Variants in ECT2 observed in about 807,000 individuals in gnomAD.
ECT2 encodes the protein epithelial cell transforming 2.
In ECT2, 61 loss-of-function variants were observed where a neutral mutation model predicts 116.9. The ratio of observed to expected loss-of-function variants is 0.52; its 90% CI spans 0.42 to 0.65. The LOEUF (loss-of-function observed/expected upper bound fraction) is 0.65. Among genes scored for constraint, ECT2 ranks in the 30% least tolerant of loss-of-function variants. The pLI, the probability that ECT2 is intolerant of heterozygous loss-of-function variation, is 0.00. For synonymous variants in ECT2, 358 were observed against 346.4 expected, an observed-to-expected ratio of 1.03 and a Z score of -0.37; for missense variants, 937 against 1,078.7, an observed-to-expected ratio of 0.87 and a Z score of 1.84.
At chr3:172,780,874 G>T (rs572817699) in intron 14 of ECT2, among the ~76,000 whole-genome samples, 2 of 145,624 alleles carry the variant, frequency 1.4e-5, no homozygotes, top group South Asian at 4.1e-4. Flanking sequence ...ACTGTCTGTT[G>T]CCTGTTTTTT....
At chr3:172,815,080 C>T (rs1028243188) in intron 22 of ECT2, among the ~76,000 whole-genome samples, 2 of 152,158 alleles carry the variant, frequency 1.3e-5, no homozygotes, top group African/African-American at 4.8e-5. Context: ...ACCCACTCTT[C>T]AGGAATATGC....
At chr3:172,807,558 A>G (rs190344557) in intron 21 of ECT2, 3 of 443,358 alleles carry the variant, frequency 6.8e-6, no homozygotes, top group South Asian at 6.9e-5. Context: ...TATCATCATC[A>G]TTAGTTCCTT....
chr3:172,801,823 T>G (rs1234713247), intron 18 of ECT2, among the ~76,000 whole-genome samples: 1 of 152,220 alleles, frequency 6.6e-6, no homozygotes, highest in Non-Finnish European at 1.5e-5. Context: ...ACCAATTTTT[T>G]TAGTTGTTTC....
At position 172,805,780 on chromosome 3, in the gene ECT2, G is replaced by T. The variant is rs1022455012; in HGVS notation, c.2156G>T (p.Gly719Val). 1 of 1,613,708 alleles carries T rather than the reference G, an allele frequency of 6.2e-7. No homozygotes were observed. ...KVIGTFRSPHGQTRPPASLKH... is the reference protein window; with the variant it reads ...KVIGTFRSPHVQTRPPASLKH... ...ATTGGCACTTTTAGGAGTCCTCATG[G>T]CCAAACCCGACCCCCAGCTTCTCTT... The change falls in exon 21 of 25, where the codon GGC (glycine) becomes GTC (valine). Residue 719 changes from glycine to valine, a missense_variant. Coordinates refer to ENST00000392692, the MANE Select transcript of ECT2 (RefSeq NM_001258315.2).
At position 172,815,650 on chromosome 3, in the gene ECT2, C is replaced by G; in HGVS notation, c.2447C>G (p.Thr816Arg). 1 of 1,600,622 alleles carries G rather than the reference C, an allele frequency of 6.2e-7. No homozygotes were observed. The highest frequency in any genetic ancestry group is 8.5e-7 in the Non-Finnish European group (1 of 1,174,582). The change falls in exon 23 of 25, where the codon ACA becomes AGA. Residue 816 changes from threonine (T) to arginine (R), a missense_variant. By Grantham distance (71) the Thr-to-Arg change is moderately conservative. Transcript: ENST00000392692. ...GATCCAGAATCCTTTGAAGTAAATA[C>G]AAAAGATATGGACAGTACATTGAGT... ...TADPESFEVN[T>R]KDMDSTLSRA...
At chr3:172,814,477 T>C (rs1560028512) in intron 22 of ECT2, among the ~76,000 whole-genome samples, 1 of 152,148 alleles carries the variant, frequency 6.6e-6, no homozygotes. Context: ...AATTTGGCTA[T>C]TCATAGCCTA....
Position 172,755,568 on chromosome 3 carries a change from T to C in ECT2, c.296T>C (p.Ile99Thr). The C allele has an allele frequency of 7.0e-7, 1 of 1,438,534 alleles. No homozygotes were observed. The highest frequency in any genetic ancestry group is 9.4e-7 in the Non-Finnish European group (1 of 1,067,240). The allele number at this position is 1,438,534 out of a possible 1,614,324, so 89.1% of individuals were successfully genotyped here. The change falls in exon 4 of 25, where the codon ATT becomes ACT. Residue 99 changes from isoleucine (I) to threonine (T), a missense_variant. Ile to Thr is a moderately conservative substitution (Grantham distance 89, BLOSUM62 -1). Coordinates refer to ENST00000392692, the MANE Select transcript of ECT2 (RefSeq NM_001258315.2). Reference sequence around the variant, plus strand: ...GATGAAAAATTAATAAAAAGTGTTATTAATATGGTAGGTCAAAGTAACTCA... The same window carrying C: ...GATGAAAAATTAATAAAAAGTGTTACTAATATGGTAGGTCAAAGTAACTCA... ...KSDEKLIKSV[I>T]NMDIKVGFVK...
intron 1 of ECT2, 39 bp from the exon 2 acceptor site, chr3:172,754,470 C>G: frequency 7.0e-7 from 1 of 1,428,066 alleles, no homozygotes; most frequent in Non-Finnish European, 9.4e-7. Context: ...TGCCCAATGA[C>G]CATGTTTATG....
chr3:172,785,574 GAT>G (rs1723469519), intron 17 of ECT2, among the ~76,000 whole-genome samples: 1 of 149,766 alleles, frequency 6.7e-6, no homozygotes, highest in Non-Finnish European at 1.5e-5. Flanking sequence ...TATAATAAAA[GAT>G]ATAATTCCTA....
At chr3:172,817,946 T>G (rs1395482861) in intron 24 of ECT2, among the ~76,000 whole-genome samples, 1 of 152,126 alleles carries the variant, frequency 6.6e-6, no homozygotes, top group Non-Finnish European at 1.5e-5. Context: ...GGCAAGTTAT[T>G]AACAATCTGT....
intron 18 of ECT2, among the ~76,000 whole-genome samples, chr3:172,794,088 G>A (rs920519203): frequency 1.3e-5 from 2 of 151,862 alleles, no homozygotes; most frequent in African/African-American, 4.8e-5. Flanking sequence ...AAAAATAAGA[G>A]TTCTAGATTT....
At chr3:172,794,952 T>G (rs1725342918) in intron 18 of ECT2, among the ~76,000 whole-genome samples, 1 of 151,996 alleles carries the variant, frequency 6.6e-6, no homozygotes, top group African/African-American at 2.4e-5. Flanking sequence ...CCTCAGATGA[T>G]CCACCCACCT....
intron 13 of ECT2, among the ~76,000 whole-genome samples, chr3:172,773,693 G>A (rs1052146649): frequency 6.6e-6 from 1 of 152,062 alleles, no homozygotes; most frequent in Admixed American, 6.6e-5. Context: ...ATTTCATGAC[G>A]AGCATATGTA....
chr3:172,794,373 T>C (rs1297821371), intron 18 of ECT2, among the ~76,000 whole-genome samples: 1 of 152,220 alleles, frequency 6.6e-6, no homozygotes, highest in Non-Finnish European at 1.5e-5. Flanking sequence ...CTCCACTGAA[T>C]TGCTTTTGTA....
At chr3:172,808,228 C>A (rs112459954) in intron 22 of ECT2, among the ~76,000 whole-genome samples, 1,568 of 152,122 alleles carry the variant, frequency 0.01, 34 homozygotes, top group African/African-American at 0.035. Context: ...CATTGATACT[C>A]TTAGACATGG....
At chr3:172,814,950 G>C (rs1729431556) in intron 22 of ECT2, among the ~76,000 whole-genome samples, 1 of 152,060 alleles carries the variant, frequency 6.6e-6, no homozygotes, top group African/African-American at 2.4e-5. Flanking sequence ...TCTCACTCCA[G>C]CTCCCACCCT....
At chr3:172,788,379 T>A (rs1170197548) in intron 18 of ECT2, among the ~76,000 whole-genome samples, 1 of 152,182 alleles carries the variant, frequency 6.6e-6, no homozygotes, top group East Asian at 1.9e-4. Flanking sequence ...GGCTTTTTTC[T>A]TAAACTACAC....
At chr3:172,802,776 T>C in intron 19 of ECT2, 82 bp downstream of exon 19, 3 of 1,510,504 alleles carry the variant, frequency 2.0e-6, no homozygotes, top group Non-Finnish European at 1.8e-6. Context: ...AATAATATCT[T>C]GGCACTACTT....
At chr3:172,766,183 A>G (rs1719341789) in intron 12 of ECT2, among the ~76,000 whole-genome samples, 1 of 152,208 alleles carries the variant, frequency 6.6e-6, no homozygotes, top group South Asian at 2.1e-4. Context: ...TTGGCCCAGA[A>G]ATTTGAAATG....
Sources: gnomAD v4.1 joint callset for allele counts (sites outside exome capture counted in the v4.1 genomes callset) on GRCh38, gnomAD v4.1.1 for gene constraint, MANE v1.5 for transcripts, NCBI Gene and HGNC (gene_info 2026-07-23, HGNC 2026-07-21) for gene names.